The following CCT3 variants were observed in gnomAD, a reference collection of about 807,000 sequenced individuals.
The protein encoded by CCT3 is T-complex protein 1 subunit gamma.
In CCT3, 10 loss-of-function variants were observed where a neutral mutation model predicts 65.3. The ratio of observed to expected loss-of-function variants is 0.15; its 90% CI spans 0.09 to 0.26. The LOEUF (loss-of-function observed/expected upper bound fraction) is 0.26, where lower values mean the gene tolerates loss of function less well. CCT3 is among the 10% of genes least tolerant of loss of function. The probability of loss-of-function intolerance (pLI) is 1.00; values close to 1 mark genes in which losing one functional copy is unlikely to be tolerated. For synonymous variants in CCT3, 225 were observed against 242.3 expected, an observed-to-expected ratio of 0.93 and a Z score of 0.66; for missense variants, 626 against 708.7, an observed-to-expected ratio of 0.88 and a Z score of 1.33.
intron 10 of CCT3, among the ~76,000 whole-genome samples, chr1:156,313,176 A>T (rs1664154127): frequency 6.6e-6 from 1 of 152,002 alleles, no homozygotes; most frequent in South Asian, 2.1e-4. Context: ...CTCTACTAAA[A>T]ATACAAGAAA....
chr1:156,325,202 T>A (rs1269219555), intron 5 of CCT3, 113 bp from the exon 6 acceptor site: 22 of 777,694 alleles, frequency 2.8e-5, no homozygotes, highest in Non-Finnish European at 4.0e-5. Flanking sequence ...CCAAAAGGTA[T>A]GACATTTGGC....
At chr1:156,335,022 G>GTTTTA in intron 2 of CCT3, 104 bp from the exon 3 acceptor site, 1 of 894,396 alleles carries the variant, frequency 1.1e-6, no homozygotes, top group Non-Finnish European at 1.8e-6. Flanking sequence ...CAGAGTCAGT[G>GTTTTA]TTTTATTTTA....
rs1316731967 is a variant in CCT3, at chr1:156,320,915, T to C, written c.533A>G (p.Asp178Gly). Residue 178 changes from aspartate to glycine, a missense_variant, in exon 7 of 14, where the codon GAT (aspartate) becomes GGT (glycine). Coordinates refer to ENST00000295688, the MANE Select transcript of CCT3 (RefSeq NM_005998.5). ...WSSLACNIALDAVKMVQFEEN... is the reference protein window; with the variant it reads ...WSSLACNIALGAVKMVQFEEN... ...CTCAAACTGTACCATCTTGACAGCA[T>C]CCAGGGCAATGTTGCAAGCCAAAGA... 9 of 1,613,890 alleles carry C rather than the reference T, an allele frequency of 5.6e-6. No homozygotes were observed. Among genetic ancestry groups the C allele is most frequent in the Non-Finnish European group, 7.6e-6 (9 of 1,179,890 alleles).
In CCT3 at chr1:156,320,839, C is replaced by T; in HGVS notation, c.609G>A (p.Lys203=). ...CAATGTATACACTTTGAAAGTTTAC[C>T]TTTTCCACTCTTGCATATTTTTTTA... ...IDIKKYARVE[K]IPGGIIEDSC... Residue 203 remains lysine, a splice_region_variant and synonymous_variant, in exon 7 of 14, where the codon AAG becomes AAA. Coordinates refer to ENST00000295688, the MANE Select transcript of CCT3 (RefSeq NM_005998.5). 6.2e-7 allele frequency: 1 copy of T among 1,601,012 alleles called. No individual in the cohort carries two copies. The highest frequency in any genetic ancestry group is 8.6e-7 in the Non-Finnish European group (1 of 1,169,030).
At chr1:156,327,811 C>T (rs1664892945) in intron 5 of CCT3, among the ~76,000 whole-genome samples, 1 of 151,038 alleles carries the variant, frequency 6.6e-6, no homozygotes, top group African/African-American at 2.4e-5. Context: ...AGGAGCTTCT[C>T]TGCCCGGCCG....
chr1:156,313,212 G>C (rs1021955110), intron 10 of CCT3, among the ~76,000 whole-genome samples: 16 of 151,846 alleles, frequency 1.1e-4, no homozygotes, highest in Non-Finnish European at 1.9e-4. Flanking sequence ...CATGGCACAC[G>C]CCTGTACTCC....
chr1:156,327,266 C>T (rs907481277), intron 5 of CCT3, among the ~76,000 whole-genome samples: 9 of 152,170 alleles, frequency 5.9e-5, no homozygotes, highest in African/African-American at 1.4e-4. Flanking sequence ...CATAGCCTCT[C>T]GCCTCTCCCC....
chr1:156,327,442 C>T (rs1037384051), intron 5 of CCT3, among the ~76,000 whole-genome samples: 12 of 151,952 alleles, frequency 7.9e-5, no homozygotes, highest in Middle Eastern at 3.4e-3. Flanking sequence ...AGGCGCGCGC[C>T]GCCACGCCTG....
chr1:156,323,647 A>G (rs1454466283), intron 6 of CCT3, among the ~76,000 whole-genome samples: 4 of 151,360 alleles, frequency 2.6e-5, no homozygotes, highest in African/African-American at 9.7e-5. Flanking sequence ...TTGTATTTTT[A>G]GTAGAGATGG....
intron 7 of CCT3, among the ~76,000 whole-genome samples, 191 bp downstream of exon 7, chr1:156,320,648 G>C (rs1664509944): frequency 6.6e-6 from 1 of 151,998 alleles, no homozygotes; most frequent in African/African-American, 2.4e-5. Context: ...CAGAGGATTT[G>C]CTTGAGGCCA....
chr1:156,324,894 TG>T, intron 6 of CCT3, 77 bp downstream of exon 6: 1 of 955,014 alleles, frequency 1.0e-6, no homozygotes. Flanking sequence ...CCCAAAGTGC[TG>T]GGATGACAGC....
chr1:156,325,125 G>A, intron 5 of CCT3, 36 bp from the exon 6 acceptor site: 2 of 1,400,240 alleles, frequency 1.4e-6, no homozygotes, highest in Non-Finnish European at 1.0e-6. Flanking sequence ...AATATTTAAA[G>A]CATCTGGATA....
intron 10 of CCT3, among the ~76,000 whole-genome samples, chr1:156,313,481 A>G (rs1664171946): frequency 6.6e-6 from 1 of 152,180 alleles, no homozygotes; most frequent in South Asian, 2.1e-4. Flanking sequence ...ATTTATTAGT[A>G]AGAAAGAGAA....
chr1:156,317,140 G>C, intron 10 of CCT3, 26 bp downstream of exon 10: 1 of 1,591,364 alleles, frequency 6.3e-7, no homozygotes, highest in Non-Finnish European at 8.6e-7. Flanking sequence ...GGGAAGAAAA[G>C]TCTTGTTTTT....
chr1:156,324,016 G>A (rs1558269260), intron 6 of CCT3, among the ~76,000 whole-genome samples: 4 of 151,268 alleles, frequency 2.6e-5, no homozygotes, highest in Admixed American at 1.3e-4. Flanking sequence ...ACCCGCCTTG[G>A]CCTCCCAAAG....
chr1:156,338,140 T>C lies in CCT3; in HGVS notation c.31+14A>G, dbSNP rs1242378227. On this transcript the variant is annotated intron_variant, in intron 1 of 13. Coordinates refer to ENST00000295688, the MANE Select transcript of CCT3 (RefSeq NM_005998.5). ...CGAAAAGGGGGTCCATTTCCTGGCA[T>C]CCCCAGAACTCACTGAGCACGAGCA... 6.3e-7 allele frequency: 1 copy of C among 1,582,232 alleles called. No homozygotes were observed. Among genetic ancestry groups the C allele is most frequent in the Admixed American group, 1.9e-5 (1 of 52,770 alleles).
Position 156,312,065 on chromosome 1 carries a change from C to T in CCT3, c.1131G>A (p.Arg377=), listed in dbSNP as rs775053960. The T allele has an allele frequency of 1.9e-6, 3 of 1,611,448 alleles. No individual in the cohort carries two copies. Among genetic ancestry groups the T allele is most frequent in the Non-Finnish European group, 2.5e-6 (3 of 1,178,764 alleles). The change falls in exon 11 of 14, where the codon CGG becomes CGA. Residue 377 remains arginine, a synonymous_variant. Coordinates refer to ENST00000295688, the MANE Select transcript of CCT3 (RefSeq NM_005998.5). ...CCGAGAGAATCTCTTTGCTAGCCCC[C>T]CGGAGGAGAATGGTGCAGGCCTTGG... ...KDPKACTILL[R]GASKEILSEV... is the part of the protein sequence containing the mutation.
intron 10 of CCT3, among the ~76,000 whole-genome samples, chr1:156,314,309 G>C (rs1473135188): frequency 1.3e-5 from 2 of 152,192 alleles, no homozygotes; most frequent in Non-Finnish European, 2.9e-5. Flanking sequence ...AGGAAATCAT[G>C]AAAGAGACTG....
At chr1:156,309,592 A>C (rs191122766) in intron 13 of CCT3, among the ~76,000 whole-genome samples, 58 of 151,508 alleles carry the variant, frequency 3.8e-4, no homozygotes, top group African/African-American at 1.3e-3. Flanking sequence ...ATGCCTGGCT[A>C]ATTTTGTATT....
Sources: allele counts gnomAD v4.1 joint callset (sites outside exome capture counted in the v4.1 genomes callset), GRCh38; gene constraint gnomAD v4.1.1; transcripts MANE v1.5; gene names NCBI Gene and HGNC (gene_info 2026-07-23, HGNC 2026-07-21).